Variants in TESPA1 observed in about 807,000 individuals in gnomAD.
TESPA1 encodes the protein protein TESPA1.
Under a neutral mutation model 57.9 loss-of-function variants are expected in TESPA1, and 33 were observed. The observed-to-expected ratio is 0.57, with a 90% CI of 0.43 to 0.76. TESPA1 has a LOEUF of 0.76. TESPA1 is among the 30% of genes least tolerant of loss of function. The probability of loss-of-function intolerance (pLI) is 0.00; values close to 1 mark genes in which losing one functional copy is unlikely to be tolerated. For synonymous variants in TESPA1, 227 were observed against 228.9 expected, an observed-to-expected ratio of 0.99 and a Z score of 0.07; for missense variants, 618 against 632.9, an observed-to-expected ratio of 0.98 and a Z score of 0.25.
chr12:54,961,400 G>T, intron 9 of TESPA1, 133 bp from the exon 10 acceptor site: 1 of 912,888 alleles, frequency 1.1e-6, no homozygotes. Context: ...TGGTGTCAGG[G>T]ACACAGTAAT....
chr12:54,966,210 G>C (rs753489012), intron 6 of TESPA1, 59 bp from the exon 7 acceptor site: 29 of 1,564,058 alleles, frequency 1.9e-5, no homozygotes, highest in Non-Finnish European at 2.3e-5. Context: ...CCCTGGCTTC[G>C]AGGAATCCCT....
At chr12:54,963,537 C>A (rs1413160420) in intron 8 of TESPA1, among the ~76,000 whole-genome samples, 3 of 152,150 alleles carry the variant, frequency 2.0e-5, no homozygotes, top group South Asian at 2.1e-4. Context: ...CAGTAGTGGC[C>A]TGAAGTCTCT....
intron 5 of TESPA1, among the ~76,000 whole-genome samples, chr12:54,966,833 A>G (rs909120360): frequency 2.6e-5 from 4 of 152,116 alleles, no homozygotes; most frequent in Admixed American, 6.6e-5. Context: ...TATAGTCTCT[A>G]TTTTACATCC....
intron 3 of TESPA1, 146 bp from the exon 4 acceptor site, chr12:54,968,038 C>G: frequency 6.6e-7 from 1 of 1,525,662 alleles, no homozygotes; most frequent in East Asian, 2.5e-5. Context: ...AAAACAAAGA[C>G]AGAGTGGTTA....
chr12:54,948,506 A>G lies in TESPA1; in HGVS notation c.*1886T>C, dbSNP rs1368737479. 6.5e-6 allele frequency: 1 copy of G among 152,884 alleles called. No homozygotes were observed. Among genetic ancestry groups the G allele is most frequent in the Admixed American group, 6.5e-5 (1 of 15,300 alleles). 9.5% of individuals were successfully genotyped at this position (152,884 alleles called of 1,614,324 possible). On this transcript the variant is annotated 3_prime_UTR_variant, in exon 11 of 11. Transcript: ENST00000449076. ...GCACCATCTCCCCTTGGTACTGTAT[A>G]ATGAGTGAGTTCTTACAAGATCTGG...
At chr12:54,959,761 C>T (rs1950962387) in intron 10 of TESPA1, among the ~76,000 whole-genome samples, 1 of 152,184 alleles carries the variant, frequency 6.6e-6, no homozygotes, top group South Asian at 2.1e-4. Flanking sequence ...TCAGTCTGTT[C>T]AGGTTTTTAC....
Position 54,962,542 on chromosome 12 carries a change from A to G in TESPA1, c.1356T>C (p.Val452=), listed in dbSNP as rs769522360. 8.7e-6 allele frequency: 14 copies of G among 1,613,844 alleles called. No homozygotes were observed. In the East Asian group the frequency reaches 2.7e-4, roughly 31 times the overall value. ...LFQKNLMGRK[V]KSLDLSITQQ... is the part of the protein sequence containing the mutation. ...GGGTGATGGACAGGTCCAAGGACTT[A>G]ACCTTCCTGCCCATGAGATTCTTCT... is the stretch of plus-strand genomic sequence containing the variant. The change falls in exon 9 of 11, where the codon GTT becomes GTC. Residue 452 remains valine (V), a synonymous_variant. Coordinates refer to ENST00000449076, the MANE Select transcript of TESPA1 (RefSeq NM_001136030.3).
chr12:54,966,125 C>T lies in TESPA1; in HGVS notation c.374G>A (p.Cys125Tyr). The T allele has an allele frequency of 3.2e-6, 5 of 1,572,884 alleles. No homozygotes were observed. The highest frequency in any genetic ancestry group is 4.3e-6 in the Non-Finnish European group (5 of 1,158,126). Reference protein sequence around the residue: ...SRSFLETARPCQLLDLGCSLA... With the variant: ...SRSFLETARPYQLLDLGCSLA... ...ACTACAGCCAAGATCAAGTAGCTGG[C>T]AAGGCCTGGCTGTCTCGAGGAAACT... is the stretch of plus-strand genomic sequence containing the variant. The change falls in exon 7 of 11, where the codon TGC (cysteine) becomes TAC (tyrosine). Residue 125 changes from cysteine to tyrosine, a missense_variant. Cys to Tyr is a radical substitution (Grantham distance 194). Around this residue, in one of 3 missense-constraint regions of TESPA1, gnomAD observed 199 missense variants for 184.0 expected, o/e 1.08. Transcript: ENST00000449076.
At chr12:54,970,425 T>C (rs1951759287) in intron 3 of TESPA1, among the ~76,000 whole-genome samples, 1 of 152,196 alleles carries the variant, frequency 6.6e-6, no homozygotes, top group Non-Finnish European at 1.5e-5. Flanking sequence ...ATACAAGTTT[T>C]TATTGGGTGC....
intron 1 of TESPA1, among the ~76,000 whole-genome samples, chr12:54,980,200 A>G (rs1472227416): frequency 1.3e-5 from 2 of 152,222 alleles, no homozygotes; most frequent in Non-Finnish European, 2.9e-5. Context: ...TAAGCTCTCC[A>G]TCTTATAGTC....
At chr12:54,976,141 TC>T (rs1373775843) in intron 1 of TESPA1, among the ~76,000 whole-genome samples, 2 of 152,194 alleles carry the variant, frequency 1.3e-5, no homozygotes, top group Non-Finnish European at 2.9e-5. Context: ...TATTCTTTGG[TC>T]AGAGCTGTCG....
chr12:54,966,565 A>C, intron 5 of TESPA1, 141 bp from the exon 6 acceptor site: 1 of 909,596 alleles, frequency 1.1e-6, no homozygotes, highest in Non-Finnish European at 1.7e-6. Context: ...TAAATTCTGC[A>C]CTTCTTGGGG....
chr12:54,961,969 T>C (rs1433611024), intron 9 of TESPA1, among the ~76,000 whole-genome samples: 1 of 151,840 alleles, frequency 6.6e-6, no homozygotes. Context: ...AGCTGGGGAG[T>C]GGTTCTGCTC....
chr12:54,973,599 G>A (rs1951981584), intron 2 of TESPA1, 80 bp from the exon 3 acceptor site: 2 of 1,609,000 alleles, frequency 1.2e-6, no homozygotes, highest in Non-Finnish European at 1.7e-6. Context: ...CATTCCACAA[G>A]TTTATTCTTA....
chr12:54,967,761 G>A (rs1951539286), intron 4 of TESPA1, 82 bp downstream of exon 4: 1 of 1,518,018 alleles, frequency 6.6e-7, no homozygotes, highest in Non-Finnish European at 9.1e-7. Context: ...ATGTATATGT[G>A]CATAAACACT....
intron 3 of TESPA1, among the ~76,000 whole-genome samples, chr12:54,973,077 A>C (rs1008045271): frequency 1.3e-5 from 2 of 152,234 alleles, no homozygotes; most frequent in Non-Finnish European, 2.9e-5. Context: ...AGTAGAAATA[A>C]ATAACACAGA....
chr12:54,974,350 AC>A, intron 2 of TESPA1, 49 bp downstream of exon 2: 2 of 1,502,722 alleles, frequency 1.3e-6, no homozygotes, highest in African/African-American at 1.4e-5. Flanking sequence ...GCCTGCTGTC[AC>A]CTTTTGCCGC....
chr12:54,978,840 C>T (rs768705813), intron 1 of TESPA1, among the ~76,000 whole-genome samples: 19 of 152,188 alleles, frequency 1.2e-4, no homozygotes, highest in African/African-American at 2.9e-4. Context: ...CCCATGCCTG[C>T]GCCATATGCA....
At chr12:54,964,728 T>C (rs953266417) in intron 7 of TESPA1, among the ~76,000 whole-genome samples, 1 of 152,180 alleles carries the variant, frequency 6.6e-6, no homozygotes, top group South Asian at 2.1e-4. Context: ...GTTTAGCTAA[T>C]AGCTGGACGG....
Sources: gnomAD v4.1 joint callset for allele counts (sites outside exome capture counted in the v4.1 genomes callset) on GRCh38, gnomAD v4.1.1 for gene constraint, gnomAD v4.1.1 regional missense constraint, MANE v1.5 for transcripts, NCBI Gene and HGNC (gene_info 2026-07-23, HGNC 2026-07-21) for gene names.